The following F2RL1 variants were observed in gnomAD, a reference collection of about 807,000 sequenced individuals.
F2RL1 encodes F2R like trypsin receptor 1.
F2RL1 carries 16 observed loss-of-function variants against 21.7 expected under a neutral mutation model. That is an observed-to-expected ratio of 0.74 (90% CI 0.50 to 1.12). The LOEUF is 1.12. Among genes scored for constraint, F2RL1 ranks in the 50% most tolerant of loss-of-function variants. The probability of loss-of-function intolerance (pLI) is 0.00; values close to 1 mark genes in which losing one functional copy is unlikely to be tolerated. For synonymous variants in F2RL1, 181 were observed against 186.7 expected (o/e 0.97, Z 0.25); for missense variants, 432 against 477.8 (o/e 0.90, Z 0.89).
At position 76,833,706 on chromosome 5, in the gene F2RL1, G is replaced by C; in HGVS notation, c.1099G>C (p.Val367Leu). 6.2e-7 allele frequency: 1 copy of C among 1,614,036 alleles called. No individual in the cohort carries two copies. Among genetic ancestry groups the C allele is most frequent in the Non-Finnish European group, 8.5e-7 (1 of 1,180,024 alleles). Residue 367 changes from valine (V) to leucine (L), a missense_variant, in exon 2 of 2, where the codon GTA (valine) becomes CTA (leucine). Physicochemically the swap from Val to Leu is conservative, Grantham distance 32. Transcript: ENST00000296677. ...TCTCCTTTGCCGAAGTGTCCGCACT[G>C]TAAAGCAGATGCAAGTATCCCTCAC... Reference protein sequence around the residue: ...NALLCRSVRTVKQMQVSLTSK... With the variant: ...NALLCRSVRTLKQMQVSLTSK...
chr5:76,820,869 T>C (rs1045449416), intron 1 of F2RL1, among the ~76,000 whole-genome samples: 5 of 152,212 alleles, frequency 3.3e-5, no homozygotes, highest in Non-Finnish European at 2.9e-5. Flanking sequence ...ACCATACTTT[T>C]ATTCCCTTGC....
chr5:76,830,461 A>G (rs949491622), intron 1 of F2RL1, among the ~76,000 whole-genome samples: 2 of 152,166 alleles, frequency 1.3e-5, no homozygotes, highest in Non-Finnish European at 2.9e-5. Flanking sequence ...TATTTTTAGT[A>G]GAGACAGGGT....
chr5:76,829,885 T>G (rs566270721), intron 1 of F2RL1, among the ~76,000 whole-genome samples: 1 of 152,338 alleles, frequency 6.6e-6, no homozygotes, highest in South Asian at 2.1e-4. Context: ...CACTGTAATA[T>G]GTAGGAATTT....
chr5:76,829,470 A>T (rs1254527916), intron 1 of F2RL1, among the ~76,000 whole-genome samples: 1 of 152,054 alleles, frequency 6.6e-6, no homozygotes, highest in Admixed American at 6.6e-5. Flanking sequence ...CAGTTCCCAG[A>T]GTCTCAATTT....
intron 1 of F2RL1, among the ~76,000 whole-genome samples, chr5:76,826,416 A>G (rs976839041): frequency 1.3e-5 from 2 of 152,180 alleles, no homozygotes; most frequent in African/African-American, 4.8e-5. Context: ...TGCCTATTGT[A>G]GACATTTGAT....
intron 1 of F2RL1, among the ~76,000 whole-genome samples, chr5:76,823,585 G>A (rs1314046409): frequency 2.0e-5 from 3 of 151,802 alleles, no homozygotes; most frequent in Non-Finnish European, 4.4e-5. Flanking sequence ...TGCCATGTTG[G>A]CCAGGCTGGT....
At chr5:76,831,434 G>A (rs1023566467) in intron 1 of F2RL1, among the ~76,000 whole-genome samples, 3 of 152,038 alleles carry the variant, frequency 2.0e-5, no homozygotes, top group Non-Finnish European at 4.4e-5. Context: ...GGGATAGAAG[G>A]CCATTATGAA....
At chr5:76,830,596 G>T (rs1046566781) in intron 1 of F2RL1, among the ~76,000 whole-genome samples, 1 of 152,040 alleles carries the variant, frequency 6.6e-6, no homozygotes, top group Non-Finnish European at 1.5e-5. Context: ...TCTTAGAAAC[G>T]ACACTTGTCA....
At position 76,833,818 on chromosome 5, in the gene F2RL1, G is replaced by A. The variant is rs1201401419; in HGVS notation, c.*17G>A. On this transcript the variant is annotated 3_prime_UTR_variant, in exon 2 of 2. Coordinates refer to ENST00000296677, the MANE Select transcript of F2RL1 (RefSeq NM_005242.6). Reference sequence around the variant, plus strand: ...TCCTATTGAGTTTTCCAGGTCCTCAGATGGGAATTGCACAGTAGGATGTGG... The same window carrying A: ...TCCTATTGAGTTTTCCAGGTCCTCAAATGGGAATTGCACAGTAGGATGTGG... 1.2e-6 allele frequency: 2 copies of A among 1,608,580 alleles called. No individual in the cohort carries two copies. Among genetic ancestry groups the A allele is most frequent in the Non-Finnish European group, 1.7e-6 (2 of 1,176,598 alleles).
intron 1 of F2RL1, among the ~76,000 whole-genome samples, chr5:76,828,422 A>T (rs1202524957): frequency 1.3e-5 from 2 of 152,062 alleles, no homozygotes; most frequent in South Asian, 4.1e-4. Flanking sequence ...TAATGCCATT[A>T]TAGTATCTAC....
Position 76,833,871 on chromosome 5 carries a change from C to G in F2RL1, c.*70C>G. On this transcript the variant is annotated 3_prime_UTR_variant, in exon 2 of 2. Transcript: ENST00000296677. Reference sequence around the variant, plus strand: ...CCTGTTTAATGTTATGAGGACGTGTCTGTTATTTCCTAATCAAAAAGGTCT... The same window carrying G: ...CCTGTTTAATGTTATGAGGACGTGTGTGTTATTTCCTAATCAAAAAGGTCT... 6.7e-7 allele frequency: 1 copy of G among 1,490,714 alleles called. No homozygotes were observed. Among genetic ancestry groups the G allele is most frequent in the South Asian group, 1.3e-5 (1 of 77,206 alleles). 92.3% of individuals were successfully genotyped at this position (1,490,714 alleles called of 1,614,324 possible).
At chr5:76,831,736 C>T (rs2150607675) in intron 1 of F2RL1, among the ~76,000 whole-genome samples, 1 of 152,154 alleles carries the variant, frequency 6.6e-6, no homozygotes, top group Admixed American at 6.5e-5. Flanking sequence ...CCATGTTAGC[C>T]AGGCTGGTCT....
In F2RL1 at chr5:76,832,868, G is replaced by T. The variant is rs997300892; in HGVS notation, c.261G>T (p.Val87=). The change falls in exon 2 of 2, where the codon GTG becomes GTT. Residue 87 remains valine, a synonymous_variant. Coordinates refer to ENST00000296677, the MANE Select transcript of F2RL1 (RefSeq NM_005242.6). ...FLPIVYTIVF[V]VGLPSNGMAL... ...CAATTGTCTACACAATTGTGTTTGT[G>T]GTGGGTTTGCCAAGTAACGGCATGG... 1.2e-6 allele frequency: 2 copies of T among 1,614,200 alleles called. No homozygotes were observed. The highest frequency in any genetic ancestry group is 1.7e-6 in the Non-Finnish European group (2 of 1,180,048).
At chr5:76,826,921 A>C (rs1429739857) in intron 1 of F2RL1, among the ~76,000 whole-genome samples, 2 of 151,202 alleles carry the variant, frequency 1.3e-5, no homozygotes, top group African/African-American at 4.9e-5. Context: ...GCTGGAGTGC[A>C]GTGGTGTAAT....
At position 76,833,218 on chromosome 5, in the gene F2RL1, T is replaced by C. The variant is rs1274527737; in HGVS notation, c.611T>C (p.Leu204Pro). The change falls in exon 2 of 2, where the codon CTG (leucine) becomes CCG (proline). Residue 204 changes from leucine to proline, a missense_variant. Physicochemically the swap from Leu to Pro is moderately conservative, Grantham distance 98. Transcript: ENST00000296677. ...CTGGCAATATGGCTGCTGATTCTGC[T>C]GGTCACCATTCCTTTGTATGTCGTG... is the stretch of plus-strand genomic sequence containing the variant. Reference protein sequence around the residue: ...ISLAIWLLILLVTIPLYVVKQ... With the variant: ...ISLAIWLLILPVTIPLYVVKQ... 1 of 1,613,910 alleles carries C rather than the reference T, an allele frequency of 6.2e-7. No individual in the cohort carries two copies. The highest frequency in any genetic ancestry group is 8.5e-7 in the Non-Finnish European group (1 of 1,179,988).
rs768012029 is a variant in F2RL1, at chr5:76,833,117, T to G, written c.510T>G (p.Ser170Arg). The G allele has an allele frequency of 5.6e-6, 9 of 1,614,076 alleles. No homozygotes were observed. The highest frequency in any genetic ancestry group is 1.3e-5 in the African/African-American group (1 of 74,928). ...CCATTCTCTTCATGACCTGCCTCAG[T>G]GTGCAGAGGTATTGGGTCATCGTGA... is the stretch of plus-strand genomic sequence containing the variant. The part of the protein sequence containing the change: ...YCSILFMTCL[S>R]VQRYWVIVNP... The change falls in exon 2 of 2, where the codon AGT (serine) becomes AGG (arginine). Residue 170 changes from serine (S) to arginine (R), a missense_variant. Transcript: ENST00000296677.
At chr5:76,826,677 T>C (rs888709584) in intron 1 of F2RL1, among the ~76,000 whole-genome samples, 6 of 152,020 alleles carry the variant, frequency 3.9e-5, no homozygotes, top group African/African-American at 1.4e-4. Context: ...GGCTAATTTT[T>C]GTATTTTTAG....
chr5:76,822,368 C>T (rs2243013), intron 1 of F2RL1, among the ~76,000 whole-genome samples: 1,992 of 152,218 alleles, frequency 0.013, 43 homozygotes, highest in African/African-American at 0.046. Flanking sequence ...CAGGCGCACA[C>T]CACCACATCC....
At position 76,833,403 on chromosome 5, in the gene F2RL1, A is replaced by G. The variant is rs757427930; in HGVS notation, c.796A>G (p.Ile266Val). 6.2e-7 allele frequency: 1 copy of G among 1,613,920 alleles called. No homozygotes were observed. The highest frequency in any genetic ancestry group is 1.1e-5 in the South Asian group (1 of 91,054). Residue 266 changes from isoleucine (I) to valine (V), a missense_variant, in exon 2 of 2, where the codon ATC becomes GTC. Transcript: ENST00000296677. ...FLTASAYVLM[I>V]RMLRSSAMDE... Reference sequence around the variant, plus strand: ...CACAGCCTCTGCCTATGTGCTGATGATCAGAATGCTGCGATCTTCTGCCAT... The same window carrying G: ...CACAGCCTCTGCCTATGTGCTGATGGTCAGAATGCTGCGATCTTCTGCCAT...
Sources: allele counts gnomAD v4.1 joint callset (sites outside exome capture counted in the v4.1 genomes callset), GRCh38; gene constraint gnomAD v4.1.1; transcripts MANE v1.5; gene names NCBI Gene and HGNC (gene_info 2026-07-23, HGNC 2026-07-21).